The following NDUFV3 variants were observed in gnomAD, a reference collection of about 807,000 sequenced individuals.
NDUFV3 encodes NADH dehydrogenase [ubiquinone] flavoprotein 3, mitochondrial.
NDUFV3 carries 44 observed loss-of-function variants against 37.5 expected under a neutral mutation model. The observed-to-expected ratio is 1.17, with a 90% CI of 0.92 to 1.51. The LOEUF (loss-of-function observed/expected upper bound fraction) is 1.51. NDUFV3 is among the 40% of genes most tolerant of loss of function. The pLI, the probability that NDUFV3 is intolerant of heterozygous loss-of-function variation, is 0.00. For missense variants in NDUFV3, 580 were observed against 580.4 expected (o/e 1.00, Z 0.01); for synonymous variants, 235 against 239.3 (o/e 0.98, Z 0.17).
At chr21:42,894,157 G>A in intron 1 of NDUFV3, among the ~76,000 whole-genome samples, 1 of 149,206 alleles carries the variant, frequency 6.7e-6, no homozygotes, top group Non-Finnish European at 1.5e-5. Flanking sequence ...GGAGGTTGCA[G>A]TGAGCCGAGA....
At chr21:42,894,330 C>CATATTATATATATTATATATAAATAT (rs2058672357) in intron 1 of NDUFV3, among the ~76,000 whole-genome samples, 1 of 34,156 alleles carries the variant, frequency 2.9e-5, no homozygotes, top group Non-Finnish European at 4.9e-5. Context: ...TATATAAATA[C>CATATTATATATATTATATATAAATAT]ATATTATATA....
intron 2 of NDUFV3, among the ~76,000 whole-genome samples, chr21:42,902,901 T>C (rs905378088): frequency 6.6e-6 from 1 of 152,212 alleles, no homozygotes; most frequent in African/African-American, 2.4e-5. Context: ...AGATTACTTA[T>C]AATACCTCAT....
At chr21:42,902,281 G>A (rs1003956942) in intron 2 of NDUFV3, among the ~76,000 whole-genome samples, 2 of 152,254 alleles carry the variant, frequency 1.3e-5, no homozygotes, top group East Asian at 1.9e-4. Context: ...TGAAACACTT[G>A]TAGAGGTTTC....
intron 1 of NDUFV3, among the ~76,000 whole-genome samples, chr21:42,895,725 A>G (rs1195240466): frequency 6.6e-6 from 1 of 151,786 alleles, no homozygotes; most frequent in African/African-American, 2.4e-5. Context: ...GGAGACTACA[A>G]AAAAAATGCA....
intron 3 of NDUFV3, among the ~76,000 whole-genome samples, chr21:42,908,466 A>G (rs2058752129): frequency 6.6e-6 from 1 of 152,158 alleles, no homozygotes; most frequent in African/African-American, 2.4e-5. Context: ...GATAGGGTTG[A>G]TGAAGAACGC....
chr21:42,899,291 C>T (rs2058708493), intron 2 of NDUFV3, among the ~76,000 whole-genome samples: 1 of 34,184 alleles, frequency 2.9e-5, no homozygotes, highest in Non-Finnish European at 6.0e-5. Context: ...TTTTTTGAGA[C>T]AGAGTTTTGC....
rs762967982 is a variant in NDUFV3, at chr21:42,909,072, G to A, written c.*51G>A. ...TCCACCGTCTTCACTGCATCCTGGA[G>A]TGCAAAAATAAAATCCACTCAAGAG... On this transcript the variant is annotated 3_prime_UTR_variant, in exon 4 of 4. Coordinates refer to ENST00000354250, the MANE Select transcript of NDUFV3 (RefSeq NM_021075.4). The A allele has an allele frequency of 6.3e-7, 1 of 1,576,700 alleles. No homozygotes were observed. Among genetic ancestry groups the A allele is most frequent in the Non-Finnish European group, 8.7e-7 (1 of 1,155,804 alleles).
In NDUFV3 at chr21:42,895,705, A is replaced by G. The variant is rs140560853; in HGVS notation, c.49-1222A>G. Among the ~76,000 whole-genome samples the G allele has an allele frequency of 9.2e-5, 14 of 151,978 alleles. No individual in the cohort carries two copies. In the East Asian group the frequency reaches 2.7e-3, roughly 29 times the overall value. ...AAGAAACGTGGTATTTTGTAGGTTAATAAATAATTGGAGACTACAAAAAAA... is the reference window on the plus strand; with the variant it reads ...AAGAAACGTGGTATTTTGTAGGTTAGTAAATAATTGGAGACTACAAAAAAA... On this transcript the variant is annotated intron_variant, in intron 1 of 3. Transcript: ENST00000354250.
rs757564033 is a variant in NDUFV3 at position 42,909,026 on chromosome 21, C to T, written c.*5C>T. The T allele has an allele frequency of 9.3e-6, 15 of 1,613,254 alleles. No homozygotes were observed. The East Asian group carries it at 2.2e-4, about 24-fold the overall frequency. On this transcript the variant is annotated 3_prime_UTR_variant, in exon 4 of 4. Transcript: ENST00000354250. ...CGGGAGTCACCTCGACACTGAGGGC[C>T]CTCGGTGTGAAGATGAACCTTCCAC...
rs774006619 is a variant in NDUFV3 at position 42,908,872 on chromosome 21, C to T, written c.1273C>T (p.Pro425Ser). Residue 425 changes from proline (P) to serine (S), a missense_variant, in exon 4 of 4, where the codon CCA becomes TCA. Pro to Ser is a moderately conservative substitution (Grantham distance 74). Coordinates refer to ENST00000354250, the MANE Select transcript of NDUFV3 (RefSeq NM_021075.4). Reference protein sequence around the residue: ...DDRGGTQEPAPVPAEPFDNTT... With the variant: ...DDRGGTQEPASVPAEPFDNTT... Reference sequence around the variant, plus strand: ...TCGTGTTTCCTCCGCAGAGCCAGCCCCAGTGCCTGCTGAGCCGTTTGACAA... The same window carrying T: ...TCGTGTTTCCTCCGCAGAGCCAGCCTCAGTGCCTGCTGAGCCGTTTGACAA... 1.9e-6 allele frequency: 3 copies of T among 1,614,148 alleles called. No individual in the cohort carries two copies. Among genetic ancestry groups the T allele is most frequent in the Non-Finnish European group, 2.5e-6 (3 of 1,180,032 alleles).
At chr21:42,894,230 C>T (rs752117310) in intron 1 of NDUFV3, among the ~76,000 whole-genome samples, 66 of 138,274 alleles carry the variant, frequency 4.8e-4, no homozygotes, top group Non-Finnish European at 7.3e-4. Flanking sequence ...AGGCTAAGAC[C>T]ACTTCACTCT....
chr21:42,906,925 CG>C (rs765702772), intron 3 of NDUFV3: 1 of 510,738 alleles, frequency 2.0e-6, no homozygotes, highest in South Asian at 1.4e-5. Flanking sequence ...TTTTGCTTAA[CG>C]TAACTTAAAA....
chr21:42,893,542 G>C (rs1391232468), intron 1 of NDUFV3, among the ~76,000 whole-genome samples, 161 bp downstream of exon 1: 2 of 152,326 alleles, frequency 1.3e-5, no homozygotes, highest in East Asian at 1.9e-4. Context: ...TGACCGCCAC[G>C]GGGCCAGGCC....
chr21:42,897,233 G>A (rs545045059), intron 2 of NDUFV3, among the ~76,000 whole-genome samples, 186 bp downstream of exon 2: 6 of 152,272 alleles, frequency 3.9e-5, no homozygotes, highest in East Asian at 1.9e-4. Context: ...CAGTCATGTC[G>A]TAGTCTTTGA....
At chr21:42,895,215 G>A (rs2058685260) in intron 1 of NDUFV3, among the ~76,000 whole-genome samples, 1 of 152,138 alleles carries the variant, frequency 6.6e-6, no homozygotes, top group East Asian at 1.9e-4. Context: ...AAGCGCGGTA[G>A]CTCACACCTG....
chr21:42,912,275 G>C lies in NDUFV3; in HGVS notation c.*3254G>C, dbSNP rs553668991. 6.6e-6 allele frequency: 1 copy of C among 152,156 alleles called. No individual in the cohort carries two copies. Among genetic ancestry groups the C allele is most frequent in the Non-Finnish European group, 1.5e-5 (1 of 68,032 alleles). The allele number at this position is 152,156 out of a possible 1,614,324, so 9.4% of individuals were successfully genotyped here. A position where few individuals can be genotyped will look rare whatever the true frequency, so the allele number is the denominator to read the frequency against. The stretch of plus-strand genomic sequence containing the variant: ...AAGTTCTTCCCTTAGAACTAGTCCT[G>C]TTGGGCTAGTCTTTCTGGGATTTTG... On this transcript the variant is annotated 3_prime_UTR_variant, in exon 4 of 4. Coordinates refer to ENST00000354250, the MANE Select transcript of NDUFV3 (RefSeq NM_021075.4).
chr21:42,900,396 A>G (rs1455901990), intron 2 of NDUFV3, among the ~76,000 whole-genome samples: 1 of 152,182 alleles, frequency 6.6e-6, no homozygotes, highest in Admixed American at 6.6e-5. Context: ...CCAGTCGCTC[A>G]GGAGGCTGAG....
In NDUFV3 at chr21:42,903,486, C is replaced by T. The variant is rs777380358; in HGVS notation, c.474C>T (p.Ser158=). The T allele has an allele frequency of 3.7e-6, 6 of 1,613,942 alleles. No homozygotes were observed. The Admixed American group carries it at 8.3e-5, about 22-fold the overall frequency. ...VTSPSSSSSS[S]SSDSESDDEA... ...CGCCTTCGTCTTCATCCTCTTCCAG[C>T]TCCTCTGATTCTGAATCTGATGATG... is the stretch of plus-strand genomic sequence containing the variant. The change falls in exon 3 of 4, where the codon AGC becomes AGT. Residue 158 remains serine (S), a synonymous_variant. Transcript: ENST00000354250.
In NDUFV3 at chr21:42,912,870, C is replaced by T. The variant is rs143876350; in HGVS notation, c.*3849C>T. 4,348 of 147,194 alleles carry T rather than the reference C, an allele frequency of 0.03. 46 individuals carry two copies. Among genetic ancestry groups the T allele is most frequent in the South Asian group, 0.098 (451 of 4,612 alleles). The allele number at this position is 147,194 out of a possible 1,614,324, so 9.1% of individuals were successfully genotyped here. The stretch of plus-strand genomic sequence containing the variant: ...TAGCCTCACTGCACTCCAGCCTGGG[C>T]GAAAGAGCAAGACTCCGTCTCAAAA... On this transcript the variant is annotated 3_prime_UTR_variant, in exon 4 of 4. Coordinates refer to ENST00000354250, the MANE Select transcript of NDUFV3 (RefSeq NM_021075.4).
Sources: gnomAD v4.1 joint callset for allele counts (sites outside exome capture counted in the v4.1 genomes callset) on GRCh38, gnomAD v4.1.1 for gene constraint, MANE v1.5 for transcripts, NCBI Gene and HGNC (gene_info 2026-07-23, HGNC 2026-07-21) for gene names.